Variants in MTRF1 observed in about 807,000 individuals in gnomAD.
The protein encoded by MTRF1 is peptide chain release factor 1, mitochondrial.
In MTRF1, 51 loss-of-function variants were observed where a neutral mutation model predicts 62.9. The observed-to-expected ratio is 0.81, with a 90% CI of 0.65 to 1.02. MTRF1 has a LOEUF of 1.02. Ranked by LOEUF, MTRF1 falls within the 50% of genes least tolerant of loss-of-function variation. The pLI is 0.00. For synonymous variants in MTRF1, 158 were observed against 181.9 expected (o/e 0.87, Z 1.06); for missense variants, 446 against 530.0 (o/e 0.84, Z 1.56).
chr13:41,220,269 G>A (rs370139992), intron 9 of MTRF1, among the ~76,000 whole-genome samples: 20 of 143,838 alleles, frequency 1.4e-4, no homozygotes, highest in East Asian at 8.3e-4. Context: ...AGCAGAGGCT[G>A]CAGAGATTCC....
chr13:41,258,018 C>T (rs1028091529), intron 2 of MTRF1, among the ~76,000 whole-genome samples: 22 of 152,332 alleles, frequency 1.4e-4, no homozygotes, highest in African/African-American at 5.1e-4. Context: ...ATACATGATA[C>T]AACCAAGGCT....
the MTRF1 span, chr13:41,311,668 G>A: frequency 1.8e-5 from 22 of 1,196,446 alleles, no homozygotes; most frequent in Non-Finnish European, 2.6e-5. Context: ...GGCCGGCGCG[G>A]GCCAGGCTTG....
chr13:41,276,055 C>G, the MTRF1 span, among the ~76,000 whole-genome samples: 1 of 152,144 alleles, frequency 6.6e-6, no homozygotes, highest in South Asian at 2.1e-4. Context: ...GGCTTAAAGG[C>G]AGTTTACATA....
chr13:41,257,332 G>C (rs1594030541), intron 2 of MTRF1, among the ~76,000 whole-genome samples: 1 of 152,164 alleles, frequency 6.6e-6, no homozygotes, highest in East Asian at 1.9e-4. Flanking sequence ...AGGGCTACAA[G>C]TTAGGAATTG....
the MTRF1 span, among the ~76,000 whole-genome samples, chr13:41,307,823 T>C: frequency 6.6e-6 from 1 of 152,208 alleles, no homozygotes; most frequent in African/African-American, 2.4e-5. Flanking sequence ...TAATTTTTTA[T>C]AGCAATGTGA....
chr13:41,248,898 G>GCTCCACTGCTT (rs2038647610), intron 5 of MTRF1, among the ~76,000 whole-genome samples: 1 of 152,104 alleles, frequency 6.6e-6, no homozygotes, highest in Non-Finnish European at 1.5e-5. Context: ...CATATCTAGA[G>GCTCCACTGCTT]CCATTACCCT....
the MTRF1 span, among the ~76,000 whole-genome samples, chr13:41,296,198 G>C: frequency 6.6e-6 from 1 of 151,996 alleles, no homozygotes; most frequent in Admixed American, 6.6e-5. Context: ...ATTCTGCCTT[G>C]ACCTCTCAAT....
the MTRF1 span, among the ~76,000 whole-genome samples, chr13:41,306,909 A>G: frequency 6.6e-6 from 1 of 152,260 alleles, no homozygotes; most frequent in Non-Finnish European, 1.5e-5. Flanking sequence ...TTAAATTCAC[A>G]TAACCCTGCT....
chr13:41,235,646 C>T (rs1285525796), intron 6 of MTRF1: 3 of 152,604 alleles, frequency 2.0e-5, no homozygotes, highest in African/African-American at 7.2e-5. Context: ...CCGAGGAACA[C>T]CTGGAGCAAC....
the MTRF1 span, among the ~76,000 whole-genome samples, chr13:41,299,899 A>C: frequency 6.6e-6 from 1 of 152,222 alleles, no homozygotes; most frequent in Admixed American, 6.5e-5. Context: ...ATAACAAATG[A>C]AACTCCTACC....
At chr13:41,243,576 C>T (rs1252041789) in intron 5 of MTRF1, among the ~76,000 whole-genome samples, 4 of 152,106 alleles carry the variant, frequency 2.6e-5, no homozygotes, top group Non-Finnish European at 5.9e-5. Flanking sequence ...CTGCTATAAC[C>T]CTGAGTAATA....
At chr13:41,235,483 T>C (rs1458596719) in intron 6 of MTRF1, 1 of 152,212 alleles carries the variant, frequency 6.6e-6, no homozygotes, top group Non-Finnish European at 1.5e-5. Context: ...GGAACCTTAT[T>C]CGGAAAAAGG....
Position 41,260,879 on chromosome 13 carries a change from A to G in MTRF1, c.29T>C (p.Phe10Ser), listed in dbSNP as rs1349508683. 1 of 1,609,766 alleles carries G rather than the reference A, an allele frequency of 6.2e-7. No individual in the cohort carries two copies. The highest frequency in any genetic ancestry group is 2.2e-5 in the East Asian group (1 of 44,768). The stretch of plus-strand genomic sequence containing the variant: ...GTAACCATTAAGAGATGGATGTCTA[A>G]AAAGCCAAACACACAGGTGACGATT... The part of the protein sequence containing the change: MNRHLCVWL[F>S]RHPSLNGYLQ... Residue 10 changes from phenylalanine (F) to serine (S), a missense_variant, in exon 2 of 10, where the codon TTT becomes TCT. Transcript: ENST00000379480.
At chr13:41,247,690 CT>C (rs1334342481) in intron 5 of MTRF1, among the ~76,000 whole-genome samples, 1 of 152,160 alleles carries the variant, frequency 6.6e-6, no homozygotes, top group Non-Finnish European at 1.5e-5. Flanking sequence ...AGAGGCAGTT[CT>C]GGTGGCTTCC....
intron 7 of MTRF1, among the ~76,000 whole-genome samples, chr13:41,232,331 A>T (rs1420193250): frequency 1.0e-5 from 1 of 97,314 alleles, no homozygotes; most frequent in East Asian, 2.8e-4. Context: ...GAACTAAAAA[A>T]CAAAGTGACA....
chr13:41,245,045 TTTC>T (rs1364861075), intron 5 of MTRF1, among the ~76,000 whole-genome samples: 4 of 152,324 alleles, frequency 2.6e-5, no homozygotes, highest in East Asian at 3.9e-4. Flanking sequence ...CTTTATTATC[TTTC>T]TTCATTTCTT....
chr13:41,277,129 CTT>C, the MTRF1 span, among the ~76,000 whole-genome samples: 27 of 141,996 alleles, frequency 1.9e-4, no homozygotes, highest in Admixed American at 2.1e-4. Flanking sequence ...ATCAATTAAA[CTT>C]TTTTTTTTTT....
At chr13:41,220,559 GA>G in intron 9 of MTRF1, 1 of 1,285,364 alleles carries the variant, frequency 7.8e-7, no homozygotes, top group South Asian at 1.2e-5. Flanking sequence ...GTCATAATGA[GA>G]ATACCAGGTG....
intron 9 of MTRF1, among the ~76,000 whole-genome samples, chr13:41,223,015 G>A: frequency 6.6e-6 from 1 of 152,172 alleles, no homozygotes; most frequent in Admixed American, 6.5e-5. Context: ...TTCATGCATT[G>A]TGATTGCATA....
Sources: allele counts gnomAD v4.1 joint callset (sites outside exome capture counted in the v4.1 genomes callset), GRCh38; gene constraint gnomAD v4.1.1; transcripts MANE v1.5; gene names NCBI Gene and HGNC (gene_info 2026-07-23, HGNC 2026-07-21).